KCNQ5: variants seen among roughly 807,000 people sequenced by gnomAD.
The protein encoded by KCNQ5 is potassium voltage-gated channel subfamily Q member 5.
Under a neutral mutation model 98.2 loss-of-function variants are expected in KCNQ5, and 30 were observed. That is an observed-to-expected ratio of 0.31 (90% CI 0.23 to 0.41). KCNQ5 has a LOEUF of 0.41. KCNQ5 is among the 10% of genes least tolerant of loss of function. The pLI is 1.00. For synonymous variants in KCNQ5, 458 were observed against 449.4 expected (o/e 1.02, Z -0.24); for missense variants, 835 against 1,182.5 (o/e 0.71, Z 4.31).
intron 11 of KCNQ5, among the ~76,000 whole-genome samples, chr6:73,183,305 T>C (rs1177779690): frequency 6.6e-6 from 1 of 152,222 alleles, no homozygotes; most frequent in Non-Finnish European, 1.5e-5. Context: ...AACAGGTAAC[T>C]CAACCTCCTG....
At chr6:72,901,831 C>A (rs985003626) in intron 1 of KCNQ5, among the ~76,000 whole-genome samples, 1 of 151,962 alleles carries the variant, frequency 6.6e-6, no homozygotes, top group Admixed American at 6.6e-5. Context: ...GCTATGTGGG[C>A]TCTTTTCTGG....
At chr6:72,802,427 C>T (rs1161881496) in intron 1 of KCNQ5, among the ~76,000 whole-genome samples, 4 of 152,060 alleles carry the variant, frequency 2.6e-5, no homozygotes, top group Non-Finnish European at 5.9e-5. Flanking sequence ...ACAATGGGAG[C>T]AATTTTAGGT....
intron 10 of KCNQ5, among the ~76,000 whole-genome samples, chr6:73,140,222 G>A (rs577564939): frequency 4.6e-5 from 7 of 152,190 alleles, no homozygotes; most frequent in East Asian, 3.9e-4. Context: ...TTATGCACAC[G>A]AGCTTTCATC....
At chr6:73,138,663 A>G (rs569386799) in intron 10 of KCNQ5, among the ~76,000 whole-genome samples, 1 of 152,332 alleles carries the variant, frequency 6.6e-6, no homozygotes, top group South Asian at 2.1e-4. Flanking sequence ...AGCAATCCTC[A>G]GTGCTCATGT....
chr6:72,948,747 A>G (rs765887776), intron 1 of KCNQ5, among the ~76,000 whole-genome samples: 1 of 152,178 alleles, frequency 6.6e-6, no homozygotes, highest in Non-Finnish European at 1.5e-5. Flanking sequence ...AAATAGATTA[A>G]TAAAGGAAAG....
At chr6:72,757,489 AG>A (rs974051680) in intron 1 of KCNQ5, among the ~76,000 whole-genome samples, 1 of 152,212 alleles carries the variant, frequency 6.6e-6, no homozygotes, top group African/African-American at 2.4e-5. Context: ...CTACCTTAAA[AG>A]TGCTCAGACA....
intron 1 of KCNQ5, among the ~76,000 whole-genome samples, chr6:72,643,559 C>T (rs1203730265): frequency 6.6e-6 from 1 of 152,044 alleles, no homozygotes; most frequent in East Asian, 1.9e-4. Flanking sequence ...GCATGATTCT[C>T]AAAGGAAATG....
intron 1 of KCNQ5, among the ~76,000 whole-genome samples, chr6:72,874,282 T>C (rs1254390264): frequency 6.6e-6 from 1 of 152,134 alleles, no homozygotes; most frequent in Admixed American, 6.6e-5. Context: ...GACATGGTTA[T>C]GTATAATTTC....
chr6:73,138,517 C>T (rs1318819290), intron 10 of KCNQ5, among the ~76,000 whole-genome samples: 4 of 152,178 alleles, frequency 2.6e-5, no homozygotes, highest in Admixed American at 1.3e-4. Context: ...CTAAACCCAA[C>T]GTTCTGTAGT....
chr6:73,058,063 C>G (rs1291688453), intron 3 of KCNQ5, among the ~76,000 whole-genome samples: 1 of 152,152 alleles, frequency 6.6e-6, no homozygotes, highest in Non-Finnish European at 1.5e-5. Context: ...AAATTGGACC[C>G]CTTGTTTATA....
intron 10 of KCNQ5, among the ~76,000 whole-genome samples, chr6:73,134,633 GCA>G (rs1776390647): frequency 6.6e-6 from 1 of 152,204 alleles, no homozygotes; most frequent in African/African-American, 2.4e-5. Context: ...GCTCAAGTGA[GCA>G]ACACAAGTCA....
chr6:72,833,690 C>T (rs1776383584), intron 1 of KCNQ5, among the ~76,000 whole-genome samples: 1 of 151,896 alleles, frequency 6.6e-6, no homozygotes, highest in African/African-American at 2.4e-5. Flanking sequence ...AAAATGTTTT[C>T]ACTGGAATTA....
chr6:72,741,562 A>G (rs902020330), intron 1 of KCNQ5, among the ~76,000 whole-genome samples: 2 of 152,190 alleles, frequency 1.3e-5, no homozygotes, highest in Admixed American at 6.5e-5. Flanking sequence ...TGCATTTCAA[A>G]CAAGTTTCCA....
At chr6:72,899,434 A>G (rs1348299805) in intron 1 of KCNQ5, among the ~76,000 whole-genome samples, 1 of 152,110 alleles carries the variant, frequency 6.6e-6, no homozygotes, top group African/African-American at 2.4e-5. Context: ...GAGTGCGATT[A>G]TGGGGTCAAA....
chr6:72,988,437 A>G (rs570798561), intron 1 of KCNQ5, among the ~76,000 whole-genome samples: 2 of 152,264 alleles, frequency 1.3e-5, no homozygotes, highest in African/African-American at 4.8e-5. Flanking sequence ...TCTTACTTAT[A>G]AGTGGATGCT....
chr6:72,715,100 T>A (rs1441326236), intron 1 of KCNQ5, among the ~76,000 whole-genome samples: 7 of 152,200 alleles, frequency 4.6e-5, no homozygotes, highest in Non-Finnish European at 1.0e-4. Flanking sequence ...AAATTGGTGT[T>A]TAAATGTTGT....
intron 1 of KCNQ5, among the ~76,000 whole-genome samples, chr6:72,704,402 GT>G (rs200158958): frequency 9.3e-5 from 14 of 150,736 alleles, no homozygotes; most frequent in East Asian, 1.9e-4. Flanking sequence ...ATTACTCTGG[GT>G]TTTTTTTTCC....
chr6:72,664,291 CT>C lies in KCNQ5; in HGVS notation c.398+41706del, dbSNP rs1766678570. ...TGAAATCTCTCAAAACGTCGGGTTC[CT>C]TGACAAATAACAAAATGTATTCTAA... On this transcript the variant is annotated intron_variant, in intron 1 of 13. Coordinates refer to ENST00000370398, the MANE Select transcript of KCNQ5 (RefSeq NM_019842.4). Among the ~76,000 whole-genome samples the C allele has an allele frequency of 4.6e-5, 7 of 152,236 alleles. 1 individual carries two copies. In the South Asian group the frequency reaches 1.5e-3, roughly 32 times the overall value.
intron 1 of KCNQ5, among the ~76,000 whole-genome samples, chr6:72,691,942 A>G (rs1224856001): frequency 1.3e-5 from 2 of 152,230 alleles, no homozygotes; most frequent in Admixed American, 1.3e-4. Context: ...TGTAGTGTGC[A>G]GGGTCAGTTA....
Sources: allele counts gnomAD v4.1 joint callset (sites outside exome capture counted in the v4.1 genomes callset), GRCh38; gene constraint gnomAD v4.1.1; transcripts MANE v1.5; gene names NCBI Gene and HGNC (gene_info 2026-07-23, HGNC 2026-07-21).